UGT2B15: variants seen among roughly 807,000 people sequenced by gnomAD.
UGT2B15 encodes UDP-glucuronosyltransferase 2B15.
In UGT2B15, 36 loss-of-function variants were observed where a neutral mutation model predicts 45.9. That is an observed-to-expected ratio of 0.78 (90% CI 0.60 to 1.04). The LOEUF (loss-of-function observed/expected upper bound fraction) is 1.04. Among genes scored for constraint, UGT2B15 ranks in the 50% least tolerant of loss-of-function variants. The pLI is 0.00. For synonymous variants in UGT2B15, 219 were observed against 216.4 expected, an observed-to-expected ratio of 1.01 and a Z score of -0.11; for missense variants, 617 against 622.4, an observed-to-expected ratio of 0.99 and a Z score of 0.09.
intron 3 of UGT2B15, among the ~76,000 whole-genome samples, chr4:68,660,726 C>T (rs1224518724): frequency 6.6e-6 from 1 of 151,928 alleles, no homozygotes; most frequent in South Asian, 2.1e-4. Context: ...GGCGACACGT[C>T]TTCAAAATAG....
chr4:68,647,122 C>T lies in UGT2B15; in HGVS notation c.1575G>A (p.Lys525=). The T allele has an allele frequency of 6.2e-7, 1 of 1,613,540 alleles. No homozygotes were observed. The highest frequency in any genetic ancestry group is 2.2e-5 in the East Asian group (1 of 44,882). ...GATATAACTAATCTCTTTTCTTCTT[C>T]TTTCCTTTTTTGGCAAGCTTTCGGA... ...FCFRKLAKKG[K]KKKRD is the part of the protein sequence containing the mutation. The change falls in exon 6 of 6, where the codon AAG becomes AAA. Residue 525 remains lysine, a synonymous_variant. Coordinates refer to ENST00000338206, the MANE Select transcript of UGT2B15 (RefSeq NM_001076.4).
chr4:68,666,696 A>C (rs561992807), intron 2 of UGT2B15, among the ~76,000 whole-genome samples: 1 of 150,278 alleles, frequency 6.7e-6, no homozygotes, highest in South Asian at 2.1e-4. Flanking sequence ...CACTCTTTTC[A>C]GTAGCTCTCC....
In UGT2B15 at chr4:68,652,718, T is replaced by TA. The variant is rs879826657; in HGVS notation, c.1313+1318dup. On this transcript the variant is annotated intron_variant, in intron 5 of 5. Coordinates refer to ENST00000338206, the MANE Select transcript of UGT2B15 (RefSeq NM_001076.4). ...ATTTCAAAAGGCATCTTCCAAAAAG[T>TA]AAAAAAAAAAATCTATCTGTCCATA... 9.4e-3 allele frequency among the ~76,000 whole-genome samples: 1,400 copies of TA among 148,170 alleles called. 22 individuals are homozygous for TA. The highest frequency in any genetic ancestry group is 0.029 in the African/African-American group (1,160 of 40,306).
In UGT2B15 at chr4:68,670,109, C is replaced by A. The variant is rs1361259691; in HGVS notation, c.510G>T (p.Leu170=). 6.2e-7 allele frequency: 1 copy of A among 1,614,024 alleles called. No individual in the cohort carries two copies. Among genetic ancestry groups the A allele is most frequent in the South Asian group, 1.1e-5 (1 of 91,076 alleles). Residue 170 remains leucine, a synonymous_variant, in exon 1 of 6, where the codon CTG becomes CTT. Coordinates refer to ENST00000338206, the MANE Select transcript of UGT2B15 (RefSeq NM_001076.4). ...LLAELFNIPF[L]YSLRFSVGYT... ...AGCCAACAGAGAATCGAAGACTGTA[C>A]AGAAAGGGTATGTTAAATAGTTCAG...
At chr4:68,664,003 C>T (rs1020526742) in intron 2 of UGT2B15, among the ~76,000 whole-genome samples, 25 of 152,020 alleles carry the variant, frequency 1.6e-4, no homozygotes, top group Non-Finnish European at 8.8e-5. Flanking sequence ...CTATGTATAA[C>T]TGAATGTGGG....
rs548210208 is a variant in UGT2B15, at chr4:68,660,119, T to C, written c.1005+2889A>G. 4.2e-3 allele frequency among the ~76,000 whole-genome samples: 635 copies of C among 151,588 alleles called. 7 individuals are homozygous for C. Among genetic ancestry groups the C allele is most frequent in the African/African-American group, 0.014 (567 of 41,328 alleles). On this transcript the variant is annotated intron_variant, in intron 3 of 5. Coordinates refer to ENST00000338206, the MANE Select transcript of UGT2B15 (RefSeq NM_001076.4). ...GTTATTTGCATAAGTGCAATAAGAA[T>C]CTATTTTCATTTTTAACAAAACACA...
At chr4:68,669,820 A>G in intron 1 of UGT2B15, 75 bp downstream of exon 1, 1 of 1,513,412 alleles carries the variant, frequency 6.6e-7, no homozygotes, top group Middle Eastern at 1.8e-4. Flanking sequence ...TTCTGACATT[A>G]TATTTATATA....
chr4:68,653,355 CTAAT>C (rs1223307076), intron 5 of UGT2B15, among the ~76,000 whole-genome samples: 2 of 151,740 alleles, frequency 1.3e-5, no homozygotes, highest in African/African-American at 4.8e-5. Context: ...AAAACTAAAA[CTAAT>C]TATGCTAAGT....
At chr4:68,660,119 T>G (rs548210208) in intron 3 of UGT2B15, among the ~76,000 whole-genome samples, 1 of 151,608 alleles carries the variant, frequency 6.6e-6, no homozygotes, top group South Asian at 2.1e-4. Flanking sequence ...GCAATAAGAA[T>G]CTATTTTCAT....
At chr4:68,669,404 A>G (rs1474527752) in intron 1 of UGT2B15, among the ~76,000 whole-genome samples, 6 of 152,162 alleles carry the variant, frequency 3.9e-5, no homozygotes, top group Admixed American at 6.6e-5. Flanking sequence ...TAGAGCCACT[A>G]TATTACTCAA....
At chr4:68,651,874 T>C (rs1400651127) in intron 5 of UGT2B15, among the ~76,000 whole-genome samples, 1 of 152,106 alleles carries the variant, frequency 6.6e-6, no homozygotes, top group Admixed American at 6.6e-5. Context: ...TGTTTCCATA[T>C]GAAATTTAAA....
chr4:68,660,577 T>G (rs1284814261), intron 3 of UGT2B15, among the ~76,000 whole-genome samples: 6 of 151,704 alleles, frequency 4.0e-5, no homozygotes, highest in Non-Finnish European at 8.8e-5. Context: ...ATGGTTTGTC[T>G]TTAGTAAAAT....
chr4:68,652,661 C>A (rs568134779), intron 5 of UGT2B15, among the ~76,000 whole-genome samples: 3 of 151,032 alleles, frequency 2.0e-5, no homozygotes, highest in Admixed American at 2.0e-4. Flanking sequence ...TTAAGTATTA[C>A]ATATTTATTT....
At chr4:68,655,263 A>G in intron 3 of UGT2B15, 81 bp from the exon 4 acceptor site, 1 of 1,483,212 alleles carries the variant, frequency 6.7e-7, no homozygotes, top group East Asian at 2.3e-5. Flanking sequence ...GAGATTAATA[A>G]TCAGTTAGTT....
At position 68,650,943 on chromosome 4, in the gene UGT2B15, CTT is replaced by C. The variant is rs1033698808; in HGVS notation, c.1313+3092_1313+3093del. On this transcript the variant is annotated intron_variant, in intron 5 of 5. Transcript: ENST00000338206. ...ATAAGTGTGTTGGCTGCATAAATGT[CTT>C]TTTTTAAGAAGTGTCTGTTTATATC... Among the ~76,000 whole-genome samples, 9 of 139,370 alleles carry C rather than the reference CTT, an allele frequency of 6.5e-5. 1 individual carries two copies. Among genetic ancestry groups the C allele is most frequent in the African/African-American group, 2.4e-4 (9 of 38,100 alleles). 91.4% of individuals were successfully genotyped at this position (139,370 alleles called of 152,430 possible).
Position 68,670,158 on chromosome 4 carries a change from AG to A in UGT2B15, c.460del (p.Asn155IlefsTer48). 4 of 1,614,106 alleles carry A rather than the reference AG, an allele frequency of 2.5e-6. No homozygotes were observed. Among genetic ancestry groups the A allele is most frequent in the Non-Finnish European group, 3.4e-6 (4 of 1,179,978 alleles). On this transcript the variant is annotated frameshift_variant, in exon 1 of 6. Transcript: ENST00000338206. LOFTEE classifies it high-confidence loss of function. ...AGCCAGTAGCTCACCACAGGGATTA[AG>A]GGCATCTGCCAGAATGACATCAAAC... ...SKFDVILADA[L>X]NPCGELLAEL...
chr4:68,655,728 A>T (rs1460990349), intron 3 of UGT2B15, among the ~76,000 whole-genome samples: 1 of 152,076 alleles, frequency 6.6e-6, no homozygotes, highest in East Asian at 1.9e-4. Flanking sequence ...CATCTTATAT[A>T]TGTTGATTGA....
chr4:68,668,917 A>G (rs1311167377), intron 1 of UGT2B15, among the ~76,000 whole-genome samples: 1 of 151,514 alleles, frequency 6.6e-6, no homozygotes, highest in Non-Finnish European at 1.5e-5. Flanking sequence ...TGAAGCTGCA[A>G]TAGTAACAAA....
intron 3 of UGT2B15, among the ~76,000 whole-genome samples, chr4:68,659,722 A>G (rs1048396502): frequency 2.0e-5 from 3 of 152,020 alleles, no homozygotes; most frequent in Non-Finnish European, 4.4e-5. Flanking sequence ...ACTCAGCCAT[A>G]AAATTCTAAC....
Sources: allele counts gnomAD v4.1 joint callset (sites outside exome capture counted in the v4.1 genomes callset), GRCh38; gene constraint gnomAD v4.1.1; transcripts MANE v1.5; gene names NCBI Gene and HGNC (gene_info 2026-07-23, HGNC 2026-07-21).